Variants in ZNF254 observed in about 807,000 individuals in gnomAD.
ZNF254 encodes the protein CTD-2017D11.1.
ZNF254 carries 10 observed loss-of-function variants against 12.4 expected under a neutral mutation model. The observed-to-expected ratio is 0.80, with a 90% confidence interval of 0.50 to 1.36. The LOEUF (loss-of-function observed/expected upper bound fraction) is 1.36. ZNF254 is among the 40% of genes most tolerant of loss of function. ZNF254 has a pLI of 0.00. For missense variants in ZNF254, 996 were observed against 763.9 expected (o/e 1.30, Z -3.58); for synonymous variants, 305 against 253.4 (o/e 1.20, Z -1.93).
At chr19:24,092,432 C>A (rs1039022223) in intron 1 of ZNF254, among the ~76,000 whole-genome samples, 1 of 152,126 alleles carries the variant, frequency 6.6e-6, no homozygotes, top group Non-Finnish European at 1.5e-5. Context: ...CCCGGCCTCC[C>A]AAAGTGCTGG....
chr19:24,121,193 C>T (rs1486201123), intron 3 of ZNF254, among the ~76,000 whole-genome samples: 2 of 151,766 alleles, frequency 1.3e-5, no homozygotes, highest in Admixed American at 1.3e-4. Context: ...TTTACTACAT[C>T]AAAATTTGGG....
At chr19:24,126,224 G>A in intron 3 of ZNF254, 30 bp from the exon 4 acceptor site, 3 of 1,362,716 alleles carry the variant, frequency 2.2e-6, no homozygotes, top group Middle Eastern at 2.0e-4. Flanking sequence ...AGTAAGTGGA[G>A]TAATTTATTT....
At chr19:24,035,510 T>C (rs1307129850) in intron 1 of ZNF254, among the ~76,000 whole-genome samples, 4 of 152,008 alleles carry the variant, frequency 2.6e-5, no homozygotes, top group Non-Finnish European at 5.9e-5. Context: ...GTATTTTTAA[T>C]ATAAAAATAC....
intron 3 of ZNF254, among the ~76,000 whole-genome samples, chr19:24,117,999 T>C (rs1974218339): frequency 6.6e-6 from 1 of 152,000 alleles, no homozygotes; most frequent in African/African-American, 2.4e-5. Flanking sequence ...CATAATAAAA[T>C]AGTATGTGCA....
At chr19:24,121,825 G>A (rs1974503817) in intron 3 of ZNF254, among the ~76,000 whole-genome samples, 1 of 152,050 alleles carries the variant, frequency 6.6e-6, no homozygotes, top group Non-Finnish European at 1.5e-5. Flanking sequence ...AAAGTGCTGG[G>A]ATTACAGGTG....
chr19:24,115,834 C>G (rs542490976), intron 3 of ZNF254, among the ~76,000 whole-genome samples: 4 of 152,052 alleles, frequency 2.6e-5, no homozygotes, highest in East Asian at 1.9e-4. Flanking sequence ...TGGCTGGTAC[C>G]GGTTGTTCCT....
chr19:24,060,447 T>G (rs1971023393), intron 2 of ZNF254, among the ~76,000 whole-genome samples: 1 of 152,138 alleles, frequency 6.6e-6, no homozygotes, highest in Non-Finnish European at 1.5e-5. Context: ...ATCAATGTAA[T>G]TTGTCTCCTG....
At chr19:24,080,430 G>A (rs1971805755) in intron 2 of ZNF254, 1 of 152,282 alleles carries the variant, frequency 6.6e-6, no homozygotes, top group Admixed American at 6.5e-5. Context: ...AAAACAGCCA[G>A]GCAAGCACCC....
At chr19:24,120,740 G>T (rs1974421884) in intron 3 of ZNF254, among the ~76,000 whole-genome samples, 1 of 152,028 alleles carries the variant, frequency 6.6e-6, no homozygotes, top group Admixed American at 6.6e-5. Flanking sequence ...TCAGCTCCCT[G>T]CAAGCTCTGC....
At chr19:24,064,846 T>A (rs1014054082) in intron 2 of ZNF254, among the ~76,000 whole-genome samples, 1 of 152,236 alleles carries the variant, frequency 6.6e-6, no homozygotes, top group African/African-American at 2.4e-5. Context: ...TATTTCAACA[T>A]GTCTCTGGGT....
chr19:24,065,371 C>A (rs1028442922), intron 2 of ZNF254: 2 of 152,190 alleles, frequency 1.3e-5, no homozygotes, highest in Non-Finnish European at 2.9e-5. Flanking sequence ...ATGTGACTCT[C>A]CTTGCTGGTG....
chr19:24,051,108 C>T, intron 2 of ZNF254, among the ~76,000 whole-genome samples: 1 of 152,172 alleles, frequency 6.6e-6, no homozygotes, highest in East Asian at 1.9e-4. Context: ...TTCCTGAGCC[C>T]TATCTGTGAG....
Position 24,128,641 on chromosome 19 carries a change from A to G in ZNF254, c.*661A>G, listed in dbSNP as rs1380549252. On this transcript the variant is annotated 3_prime_UTR_variant, in exon 4 of 4. Transcript: ENST00000357002. ...CAAAAACTACAAATTATAAAACACC[A>G]AAGTGTTCATACTAAAATATATTTT... The G allele has an allele frequency of 1.3e-5, 2 of 152,142 alleles. No homozygotes were observed. The highest frequency in any genetic ancestry group is 2.4e-5 in the African/African-American group (1 of 41,458). 9.4% of individuals were successfully genotyped at this position (152,142 alleles called of 1,614,324 possible).
intron 1 of ZNF254, among the ~76,000 whole-genome samples, chr19:24,102,690 A>G (rs1973107415): frequency 6.6e-6 from 1 of 152,204 alleles, no homozygotes; most frequent in South Asian, 2.1e-4. Flanking sequence ...ATAGGGTCTT[A>G]ATTTAATAAT....
In ZNF254 at chr19:24,106,020, A is replaced by G. The variant is rs765380653; in HGVS notation, c.111A>G (p.Leu37=). The stretch of plus-strand genomic sequence containing the variant: ...ACCTGGACATTGCACAGCAGAATTT[A>G]TATAGAAATGTGATGTTAGAGAACT... ...WQHLDIAQQN[L]YRNVMLENYR... is the part of the protein sequence containing the mutation. The change falls in exon 2 of 4, where the codon TTA becomes TTG. Residue 37 remains leucine, a synonymous_variant. Coordinates refer to ENST00000357002, the MANE Select transcript of ZNF254 (RefSeq NM_203282.4). The G allele has an allele frequency of 6.3e-7, 1 of 1,599,666 alleles. No individual in the cohort carries two copies. Among genetic ancestry groups the G allele is most frequent in the Non-Finnish European group, 8.5e-7 (1 of 1,171,412 alleles).
At chr19:24,069,604 CAAA>C (rs968664535) in intron 2 of ZNF254, among the ~76,000 whole-genome samples, 214 of 36,684 alleles carry the variant, frequency 5.8e-3, no homozygotes, top group African/African-American at 0.023. Context: ...GACTCCATCT[CAAA>C]AAAAAAAAAA....
chr19:24,113,262 C>CATCG (rs1973813459), intron 3 of ZNF254, among the ~76,000 whole-genome samples: 1 of 152,174 alleles, frequency 6.6e-6, no homozygotes, highest in South Asian at 2.1e-4. Context: ...CCTTGATGAA[C>CATCG]ATCGATGCAA....
At chr19:24,061,616 A>T (rs576636039) in intron 2 of ZNF254, among the ~76,000 whole-genome samples, 17 of 152,282 alleles carry the variant, frequency 1.1e-4, no homozygotes, top group African/African-American at 4.1e-4. Context: ...AGGGAAAAAA[A>T]TTACATATCA....
intron 2 of ZNF254, among the ~76,000 whole-genome samples, chr19:24,054,642 T>C (rs533076121): frequency 2.0e-5 from 3 of 152,136 alleles, no homozygotes; most frequent in Non-Finnish European, 4.4e-5. Flanking sequence ...AAGTCTTGAA[T>C]CTCAAATGCA....
Sources: allele counts gnomAD v4.1 joint callset (sites outside exome capture counted in the v4.1 genomes callset), GRCh38; gene constraint gnomAD v4.1.1; transcripts MANE v1.5; gene names NCBI Gene and HGNC (gene_info 2026-07-23, HGNC 2026-07-21).